The following CDH4 variants were observed in gnomAD, a reference collection of about 807,000 sequenced individuals.
CDH4 encodes cadherin 4.
In CDH4, 33 loss-of-function variants were observed where a neutral mutation model predicts 86.0. The ratio of observed to expected loss-of-function variants is 0.38; its 90% confidence interval spans 0.29 to 0.51. The LOEUF (loss-of-function observed/expected upper bound fraction) is 0.51, where lower values mean the gene tolerates loss of function less well. CDH4 is among the 20% of genes least tolerant of loss of function. The probability of loss-of-function intolerance (pLI) is 0.86; values close to 1 mark genes in which losing one functional copy is unlikely to be tolerated. For synonymous variants in CDH4, 555 were observed against 549.4 expected, an observed-to-expected ratio of 1.01 and a Z score of -0.14; for missense variants, 1,114 against 1,307.4, an observed-to-expected ratio of 0.85 and a Z score of 2.28.
chr20:61,854,255 A>G (rs1475665327), intron 6 of CDH4, among the ~76,000 whole-genome samples: 2 of 152,186 alleles, frequency 1.3e-5, no homozygotes, highest in Admixed American at 6.5e-5. Context: ...GAGAGGGGTC[A>G]GCAGCATCCC....
At chr20:61,801,791 G>A (rs1979844374) in intron 4 of CDH4, among the ~76,000 whole-genome samples, 1 of 152,224 alleles carries the variant, frequency 6.6e-6, no homozygotes, top group South Asian at 2.1e-4. Context: ...CTCCTCTGTA[G>A]TCAAAGCTCC....
rs546332395 is a variant in CDH4, at chr20:61,747,208, G to A, written c.396+3419G>A. Among the ~76,000 whole-genome samples the A allele has an allele frequency of 7.9e-4, 120 of 152,306 alleles. 4 individuals carry two copies. In the South Asian group the frequency reaches 0.021, roughly 27 times the overall value. On this transcript the variant is annotated intron_variant, in intron 3 of 15. Coordinates refer to ENST00000614565, the MANE Select transcript of CDH4 (RefSeq NM_001794.5). The stretch of plus-strand genomic sequence containing the variant: ...TGTAATCTGAGCATTTTGGGAGGCC[G>A]AGGCGGGCGGATCATGAGGTTAGGA...
intron 4 of CDH4, among the ~76,000 whole-genome samples, chr20:61,777,832 G>A (rs34040615): frequency 0.31 from 20,881 of 68,142 alleles, 2,595 homozygotes; most frequent in East Asian, 0.5. Context: ...ACATGCGCAC[G>A]CACTTGCATA....
chr20:61,851,272 T>C (rs1054757869), intron 5 of CDH4, among the ~76,000 whole-genome samples: 1 of 152,206 alleles, frequency 6.6e-6, no homozygotes, highest in African/African-American at 2.4e-5. Flanking sequence ...AGATTGCCTC[T>C]TTGGGTAAAG....
At chr20:61,415,560 C>G (rs972070289) in intron 2 of CDH4, among the ~76,000 whole-genome samples, 3 of 152,060 alleles carry the variant, frequency 2.0e-5, no homozygotes, top group Non-Finnish European at 4.4e-5. Context: ...CTGGCCCCCA[C>G]CATCCTATTG....
intron 2 of CDH4, among the ~76,000 whole-genome samples, chr20:61,701,413 G>A (rs2087774865): frequency 6.6e-6 from 1 of 152,256 alleles, no homozygotes; most frequent in African/African-American, 2.4e-5. Context: ...CCACGGGTGA[G>A]TGAGTTCCAT....
intron 2 of CDH4, among the ~76,000 whole-genome samples, chr20:61,339,182 A>G (rs574772205): frequency 2.0e-5 from 3 of 152,186 alleles, no homozygotes; most frequent in African/African-American, 7.2e-5. Context: ...CAAACACTAT[A>G]TTTTATTTTT....
chr20:61,282,063 A>G (rs2084261797), intron 2 of CDH4, among the ~76,000 whole-genome samples: 1 of 152,220 alleles, frequency 6.6e-6, no homozygotes, highest in South Asian at 2.1e-4. Context: ...GGTTTCTCCT[A>G]AAAAGAAATT....
chr20:61,654,161 G>A (rs1484860887), intron 2 of CDH4, among the ~76,000 whole-genome samples: 1 of 152,278 alleles, frequency 6.6e-6, no homozygotes, highest in South Asian at 2.1e-4. Context: ...ACCAGACTCC[G>A]TCTGCAATCC....
At chr20:61,513,938 G>C (rs2085798449) in intron 2 of CDH4, among the ~76,000 whole-genome samples, 1 of 152,194 alleles carries the variant, frequency 6.6e-6, no homozygotes, top group Admixed American at 6.5e-5. Flanking sequence ...TTTCACAGCG[G>C]GAGAAAGGAG....
At chr20:61,398,283 A>G (rs760097907) in intron 2 of CDH4, among the ~76,000 whole-genome samples, 1 of 152,224 alleles carries the variant, frequency 6.6e-6, no homozygotes, top group Non-Finnish European at 1.5e-5. Context: ...CGGAAGGGAC[A>G]ATGTTCCTGA....
intron 4 of CDH4, among the ~76,000 whole-genome samples, chr20:61,788,621 G>T (rs1335321814): frequency 6.6e-6 from 1 of 152,216 alleles, no homozygotes; most frequent in Admixed American, 6.5e-5. Context: ...CCTGCTGACA[G>T]CAGTCCTGCA....
At chr20:61,382,054 A>C (rs8124000) in intron 2 of CDH4, among the ~76,000 whole-genome samples, 37,197 of 151,246 alleles carry the variant, frequency 0.25, 4,927 homozygotes, top group African/African-American at 0.34. Flanking sequence ...CCAGCCTGGA[A>C]AACAAGAAAA....
intron 8 of CDH4, among the ~76,000 whole-genome samples, chr20:61,897,882 T>C (rs1436923536): frequency 6.6e-6 from 1 of 152,222 alleles, no homozygotes; most frequent in Admixed American, 6.5e-5. Context: ...AGCCAGTGTC[T>C]GCGGCACCTC....
chr20:61,324,850 C>A (rs1164580512), intron 2 of CDH4, among the ~76,000 whole-genome samples: 1 of 152,160 alleles, frequency 6.6e-6, no homozygotes, highest in Non-Finnish European at 1.5e-5. Flanking sequence ...GAGGGTGTGG[C>A]AGGCACTTGA....
At chr20:61,780,026 G>A (rs963157824) in intron 4 of CDH4, among the ~76,000 whole-genome samples, 5 of 152,204 alleles carry the variant, frequency 3.3e-5, no homozygotes, top group South Asian at 2.1e-4. Context: ...GCAGTCATTC[G>A]TTGTCTCATG....
chr20:61,814,146 C>T (rs1301376928), intron 4 of CDH4, among the ~76,000 whole-genome samples: 1 of 152,208 alleles, frequency 6.6e-6, no homozygotes, highest in Non-Finnish European at 1.5e-5. Flanking sequence ...GTATGGTAAC[C>T]TGTGTGTCCT....
intron 6 of CDH4, among the ~76,000 whole-genome samples, chr20:61,868,543 T>A (rs565242935): frequency 5.9e-5 from 9 of 152,294 alleles, no homozygotes; most frequent in Non-Finnish European, 8.8e-5. Flanking sequence ...CAACAGGCCA[T>A]AAACCCTGCT....
Position 61,393,399 on chromosome 20 carries a change from G to A in CDH4, c.169+138462G>A, listed in dbSNP as rs1187935530. Reference sequence around the variant, plus strand: ...CTTGTGTATGGATCAACAACCACCAGCCCCTCTGATGTCGAGGACCCCCAG... The same window carrying A: ...CTTGTGTATGGATCAACAACCACCAACCCCTCTGATGTCGAGGACCCCCAG... On this transcript the variant is annotated intron_variant, in intron 2 of 15. Transcript: ENST00000614565. This position sits in a 1 kb window ranked among gnomAD's most constrained non-coding sequence, Gnocchi z 4.3. Among the ~76,000 whole-genome samples, 3 of 152,116 alleles carry A rather than the reference G, an allele frequency of 2.0e-5. No homozygotes were observed. The highest frequency in any genetic ancestry group is 4.4e-5 in the Non-Finnish European group (3 of 68,026).
Sources: allele counts gnomAD v4.1 joint callset (sites outside exome capture counted in the v4.1 genomes callset), GRCh38; gene constraint gnomAD v4.1.1; non-coding constraint Gnocchi (gnomAD v3.1); transcripts MANE v1.5; gene names NCBI Gene and HGNC (gene_info 2026-07-23, HGNC 2026-07-21).